Variants in NTN4 observed in about 807,000 individuals in gnomAD.
NTN4 encodes netrin 4.
NTN4 carries 32 observed loss-of-function variants against 73.6 expected under a neutral mutation model. The observed-to-expected ratio is 0.44, with a 90% CI of 0.33 to 0.58. The LOEUF is 0.58. Ranked by LOEUF, NTN4 falls within the 20% of genes least tolerant of loss-of-function variation. NTN4 has a pLI of 0.04. For synonymous variants in NTN4, 258 were observed against 287.5 expected (o/e 0.90, Z 1.04); for missense variants, 654 against 798.3 (o/e 0.82, Z 2.18).
At chr12:95,680,541 C>T (rs1179035656) in intron 7 of NTN4, among the ~76,000 whole-genome samples, 1 of 152,224 alleles carries the variant, frequency 6.6e-6, no homozygotes, top group African/African-American at 2.4e-5. Context: ...TACAAGAGAA[C>T]ATTTACGGCA....
At chr12:95,780,568 C>T (rs2079124982) in intron 2 of NTN4, among the ~76,000 whole-genome samples, 1 of 152,172 alleles carries the variant, frequency 6.6e-6, no homozygotes, top group Non-Finnish European at 1.5e-5. Context: ...CATCACTGGC[C>T]ATCAGAGAAA....
intron 2 of NTN4, among the ~76,000 whole-genome samples, chr12:95,783,819 T>C (rs2079148587): frequency 6.6e-6 from 1 of 152,256 alleles, no homozygotes; most frequent in African/African-American, 2.4e-5. Context: ...GCAGGTTTAA[T>C]GTCTATTTAA....
chr12:95,724,750 ATTTC>A (rs2078679190), intron 3 of NTN4, among the ~76,000 whole-genome samples: 2 of 152,158 alleles, frequency 1.3e-5, no homozygotes, highest in South Asian at 4.1e-4. Flanking sequence ...GTAATTTGAA[ATTTC>A]TTTCAAGCCA....
At chr12:95,766,794 A>G (rs2079024147) in intron 2 of NTN4, among the ~76,000 whole-genome samples, 1 of 152,210 alleles carries the variant, frequency 6.6e-6, no homozygotes. Flanking sequence ...TCTTCCATGA[A>G]TGTAGCCTAA....
intron 7 of NTN4, among the ~76,000 whole-genome samples, chr12:95,678,787 A>G (rs570032088): frequency 1.3e-5 from 2 of 152,016 alleles, no homozygotes; most frequent in African/African-American, 2.4e-5. Flanking sequence ...ACAAAAAAAA[A>G]GTGACACATA....
chr12:95,759,496 T>TTG (rs1555220806), intron 2 of NTN4, among the ~76,000 whole-genome samples: 1 of 151,076 alleles, frequency 6.6e-6, no homozygotes, highest in African/African-American at 2.4e-5. Flanking sequence ...TTTTTGTTTT[T>TTG]TTTTTTTTTT....
chr12:95,783,211 G>A (rs966450402), intron 2 of NTN4, among the ~76,000 whole-genome samples: 1 of 152,122 alleles, frequency 6.6e-6, no homozygotes, highest in South Asian at 2.1e-4. Flanking sequence ...CCCACGCTGC[G>A]CTCTGTGGAT....
intron 5 of NTN4, among the ~76,000 whole-genome samples, chr12:95,707,801 A>T (rs140461644): frequency 7.9e-4 from 121 of 152,326 alleles, no homozygotes; most frequent in African/African-American, 2.5e-3. Context: ...ATACTGTTCA[A>T]GGAAATGCTA....
At chr12:95,729,654 T>C (rs960102119) in intron 3 of NTN4, among the ~76,000 whole-genome samples, 7 of 151,718 alleles carry the variant, frequency 4.6e-5, no homozygotes, top group African/African-American at 1.7e-4. Context: ...TGTGTGTGTG[T>C]GTGTGTGTGT....
intron 2 of NTN4, among the ~76,000 whole-genome samples, chr12:95,760,826 T>C (rs1416243908): frequency 6.6e-6 from 1 of 152,146 alleles, no homozygotes; most frequent in African/African-American, 2.4e-5. Flanking sequence ...GTTGGGACTT[T>C]TGGAGTGTCA....
chr12:95,763,116 C>T (rs779145777), intron 2 of NTN4, among the ~76,000 whole-genome samples: 6 of 152,164 alleles, frequency 3.9e-5, no homozygotes, highest in Non-Finnish European at 8.8e-5. Context: ...TGAGGAAATG[C>T]TTTGTATGAG....
chr12:95,782,925 C>G (rs189486393), intron 2 of NTN4, among the ~76,000 whole-genome samples: 2 of 152,324 alleles, frequency 1.3e-5, no homozygotes, highest in Admixed American at 1.3e-4. Context: ...TGTCATGAGG[C>G]CTGACTGTGT....
chr12:95,704,412 C>T (rs995180810), intron 5 of NTN4, among the ~76,000 whole-genome samples: 1 of 152,170 alleles, frequency 6.6e-6, no homozygotes, highest in African/African-American at 2.4e-5. Context: ...ATAAGAATAT[C>T]GCTGTCAGCA....
At chr12:95,663,078 C>T (rs1014190794) in intron 9 of NTN4, among the ~76,000 whole-genome samples, 11 of 151,836 alleles carry the variant, frequency 7.2e-5, no homozygotes, top group Non-Finnish European at 1.6e-4. Flanking sequence ...AGTGATAGTA[C>T]CACCACTCTA....
chr12:95,748,619 T>C (rs1470758314), intron 2 of NTN4, among the ~76,000 whole-genome samples: 1 of 151,970 alleles, frequency 6.6e-6, no homozygotes, highest in Non-Finnish European at 1.5e-5. Flanking sequence ...TACAGGCACA[T>C]GCCACCATGC....
intron 2 of NTN4, among the ~76,000 whole-genome samples, chr12:95,742,892 A>C (rs1207335357): frequency 6.6e-6 from 1 of 152,256 alleles, no homozygotes; most frequent in Non-Finnish European, 1.5e-5. Flanking sequence ...GGAGAAGCCA[A>C]ACAGGGTCTA....
chr12:95,716,702 GA>G (rs1455372974), intron 3 of NTN4, among the ~76,000 whole-genome samples: 3 of 152,042 alleles, frequency 2.0e-5, no homozygotes, highest in African/African-American at 4.8e-5. Context: ...AAAATATTCA[GA>G]AGTTGAAAAG....
chr12:95,714,266 A>G (rs559186336), intron 3 of NTN4, among the ~76,000 whole-genome samples: 1 of 152,310 alleles, frequency 6.6e-6, no homozygotes, highest in Admixed American at 6.5e-5. Flanking sequence ...ACTTGCAATG[A>G]ATTTCAACCA....
chr12:95,658,680 C>CTGA lies in NTN4; in HGVS notation c.*403_*405dup, dbSNP rs2078110868. ...GAAGGCTCTTTAACAAACACCTTTT[C>CTGA]TGATAGTAGGGTTAGGGATTCCTTA... On this transcript the variant is annotated 3_prime_UTR_variant, in exon 10 of 10. Transcript: ENST00000343702. 6.5e-6 allele frequency: 1 copy of CTGA among 154,250 alleles called. No homozygotes were observed. The highest frequency in any genetic ancestry group is 1.4e-5 in the Non-Finnish European group (1 of 69,352). 9.6% of individuals were successfully genotyped at this position (154,250 alleles called of 1,614,324 possible).
Sources: allele counts gnomAD v4.1 joint callset (sites outside exome capture counted in the v4.1 genomes callset), GRCh38; gene constraint gnomAD v4.1.1; transcripts MANE v1.5; gene names NCBI Gene and HGNC (gene_info 2026-07-23, HGNC 2026-07-21).